HS3ST4: variants seen among roughly 807,000 people sequenced by gnomAD.
HS3ST4 encodes the protein heparan sulfate glucosamine 3-O-sulfotransferase 4.
In HS3ST4, 17 loss-of-function variants were observed where a neutral mutation model predicts 29.2. The observed-to-expected ratio is 0.58, with a 90% CI of 0.40 to 0.87. The LOEUF (loss-of-function observed/expected upper bound fraction) is 0.87, where lower values mean the gene tolerates loss of function less well. Ranked by LOEUF, HS3ST4 falls within the 40% of genes least tolerant of loss-of-function variation. The probability of loss-of-function intolerance (pLI) is 0.00; values close to 1 mark genes in which losing one functional copy is unlikely to be tolerated. For missense variants in HS3ST4, 627 were observed against 634.5 expected (o/e 0.99, Z 0.13); for synonymous variants, 314 against 285.7 (o/e 1.10, Z -1.00).
intron 1 of HS3ST4, among the ~76,000 whole-genome samples, chr16:26,123,012 C>T (rs1188723796): frequency 6.6e-6 from 1 of 151,572 alleles, no homozygotes; most frequent in Admixed American, 6.6e-5. Context: ...TGAGATCGCG[C>T]CACTGCACCC....
rs555089098 is a variant in HS3ST4, at chr16:25,848,286, G to T, written c.734+155135G>T. On this transcript the variant is annotated intron_variant, in intron 1 of 1. Transcript: ENST00000331351. ...CCTGAGTAGCTGGGATTACAGGCGTGTGCCACCACGTCCGGCTAATTTTTT... is the reference window on the plus strand; with the variant it reads ...CCTGAGTAGCTGGGATTACAGGCGTTTGCCACCACGTCCGGCTAATTTTTT... Among the ~76,000 whole-genome samples the T allele has an allele frequency of 5.3e-5, 8 of 152,048 alleles. No individual in the cohort carries two copies. The East Asian group carries it at 1.4e-3, about 26-fold the overall frequency.
chr16:25,794,973 CTTT>C (rs58579462), intron 1 of HS3ST4, among the ~76,000 whole-genome samples: 1 of 126,110 alleles, frequency 7.9e-6, no homozygotes, highest in Non-Finnish European at 1.7e-5. Flanking sequence ...TTTTTCTTTA[CTTT>C]TTTTTTTTTT....
chr16:25,917,555 G>A (rs1184150153), intron 1 of HS3ST4, among the ~76,000 whole-genome samples: 1 of 152,216 alleles, frequency 6.6e-6, no homozygotes, highest in Non-Finnish European at 1.5e-5. Flanking sequence ...GGATAGGGAA[G>A]CCTTAGGTGG....
chr16:26,044,432 T>C (rs58214006), intron 1 of HS3ST4, among the ~76,000 whole-genome samples: 2,508 of 152,254 alleles, frequency 0.016, 65 homozygotes, highest in African/African-American at 0.055. Flanking sequence ...CAAAAATCCC[T>C]GAACTATGAA....
chr16:25,888,722 A>G (rs118028115), intron 1 of HS3ST4, among the ~76,000 whole-genome samples: 3,069 of 152,332 alleles, frequency 0.02, 49 homozygotes, highest in Non-Finnish European at 0.031. Context: ...TAAAGTGGGT[A>G]CTATTGGATA....
chr16:26,107,344 G>A (rs1394401434), intron 1 of HS3ST4, among the ~76,000 whole-genome samples: 1 of 113,680 alleles, frequency 8.8e-6, no homozygotes, highest in African/African-American at 3.4e-5. Flanking sequence ...GCTGAGATTG[G>A]CATACAAACA....
At chr16:26,134,587 C>T (rs1041730323) in intron 1 of HS3ST4, among the ~76,000 whole-genome samples, 7 of 152,032 alleles carry the variant, frequency 4.6e-5, no homozygotes, top group African/African-American at 1.7e-4. Context: ...GTCTTGAACT[C>T]CTGACCTTGT....
At position 25,917,246 on chromosome 16, in the gene HS3ST4, T is replaced by C. The variant is rs145185177; in HGVS notation, c.735-218366T>C. ...GATTGTTTTCAAGATGGAGTCTTGCTCTGTCACCCAGGCCGGAGTGCAGTG... is the reference window on the plus strand; with the variant it reads ...GATTGTTTTCAAGATGGAGTCTTGCCCTGTCACCCAGGCCGGAGTGCAGTG... On this transcript the variant is annotated intron_variant, in intron 1 of 1. Transcript: ENST00000331351. Among the ~76,000 whole-genome samples the C allele has an allele frequency of 9.6e-3, 1,450 of 151,730 alleles. 6 individuals are homozygous for C. The highest frequency in any genetic ancestry group is 0.015 in the Non-Finnish European group (986 of 67,866).
chr16:25,977,749 T>C (rs1366314179), intron 1 of HS3ST4, among the ~76,000 whole-genome samples: 1 of 152,242 alleles, frequency 6.6e-6, no homozygotes, highest in Non-Finnish European at 1.5e-5. Flanking sequence ...TTGTTTATTC[T>C]TTAATTAAAG....
In HS3ST4 at chr16:26,109,328, G is replaced by A. The variant is rs147171897; in HGVS notation, c.735-26284G>A. 4.2e-3 allele frequency among the ~76,000 whole-genome samples: 644 copies of A among 152,202 alleles called. 8 individuals are homozygous for A. Among genetic ancestry groups the A allele is most frequent in the African/African-American group, 0.015 (616 of 41,530 alleles). ...CGACAGCATCATTTATATCTTCCAC[G>A]CACACAATCTTTTCTGCATGTGCGT... On this transcript the variant is annotated intron_variant, in intron 1 of 1. Coordinates refer to ENST00000331351, the MANE Select transcript of HS3ST4 (RefSeq NM_006040.3).
intron 1 of HS3ST4, among the ~76,000 whole-genome samples, chr16:26,008,654 A>T (rs1364629656): frequency 1.3e-5 from 2 of 152,144 alleles, no homozygotes; most frequent in Non-Finnish European, 1.5e-5. Flanking sequence ...GCCTGTCTCT[A>T]CTAAAAATAT....
intron 1 of HS3ST4, among the ~76,000 whole-genome samples, chr16:25,888,676 C>G (rs925618596): frequency 6.6e-6 from 1 of 152,112 alleles, no homozygotes; most frequent in South Asian, 2.1e-4. Context: ...CTTATTCTTG[C>G]AGACAAAGTA....
intron 1 of HS3ST4, among the ~76,000 whole-genome samples, chr16:25,929,446 G>A (rs1315321190): frequency 6.6e-6 from 1 of 152,158 alleles, no homozygotes; most frequent in African/African-American, 2.4e-5. Flanking sequence ...CAGGGAACCA[G>A]TACTATCCTC....
intron 1 of HS3ST4, among the ~76,000 whole-genome samples, chr16:25,738,941 T>C (rs1966631817): frequency 6.6e-6 from 1 of 152,222 alleles, no homozygotes; most frequent in Non-Finnish European, 1.5e-5. Flanking sequence ...TTTCTTATAA[T>C]ATCTGTTGCT....
At chr16:25,990,616 G>T (rs1319748681) in intron 1 of HS3ST4, among the ~76,000 whole-genome samples, 31 of 152,182 alleles carry the variant, frequency 2.0e-4, no homozygotes, top group Admixed American at 2.0e-3. Context: ...AGTGACTTGG[G>T]AGGAATTAAT....
At chr16:26,014,580 C>G (rs4346209) in intron 1 of HS3ST4, among the ~76,000 whole-genome samples, 1 of 151,892 alleles carries the variant, frequency 6.6e-6, no homozygotes, top group African/African-American at 2.4e-5. Flanking sequence ...CACTTATTAG[C>G]GAGAGCACAC....
chr16:26,067,500 C>T (rs1244251908), intron 1 of HS3ST4, among the ~76,000 whole-genome samples: 1 of 151,126 alleles, frequency 6.6e-6, no homozygotes, highest in Non-Finnish European at 1.5e-5. Context: ...AGCATTCCCA[C>T]CACCCCCCAC....
chr16:25,854,184 C>G (rs1160790487), intron 1 of HS3ST4, among the ~76,000 whole-genome samples: 1 of 152,030 alleles, frequency 6.6e-6, no homozygotes, highest in Non-Finnish European at 1.5e-5. Context: ...TGATAGCTCA[C>G]TGCAGTGGCA....
At chr16:25,999,814 TTA>T (rs1019080246) in intron 1 of HS3ST4, among the ~76,000 whole-genome samples, 14 of 132,950 alleles carry the variant, frequency 1.1e-4, no homozygotes, top group South Asian at 2.3e-4. Flanking sequence ...TATGTATATT[TTA>T]TATATATATT....
Sources: gnomAD v4.1 joint callset for allele counts (sites outside exome capture counted in the v4.1 genomes callset) on GRCh38, gnomAD v4.1.1 for gene constraint, MANE v1.5 for transcripts, NCBI Gene and HGNC (gene_info 2026-07-23, HGNC 2026-07-21) for gene names.